Variants in DNAAF9 observed in about 807,000 individuals in gnomAD.
DNAAF9 encodes the protein shulin.
Under a neutral mutation model 167.0 loss-of-function variants are expected in DNAAF9, and 90 were observed. The observed-to-expected ratio is 0.54, with a 90% confidence interval of 0.45 to 0.64. DNAAF9 has a LOEUF of 0.64. Among genes scored for constraint, DNAAF9 ranks in the 30% least tolerant of loss-of-function variants. The pLI is 0.00. For synonymous variants in DNAAF9, 491 were observed against 508.8 expected (o/e 0.96, Z 0.47); for missense variants, 1,315 against 1,442.2 (o/e 0.91, Z 1.43).
intron 29 of DNAAF9, among the ~76,000 whole-genome samples, chr20:3,272,216 TA>T (rs1484490787): frequency 5.3e-5 from 8 of 152,198 alleles, no homozygotes; most frequent in Non-Finnish European, 7.3e-5. Flanking sequence ...CTCTGTCTTA[TA>T]AATGTTTTCT....
intron 3 of DNAAF9, among the ~76,000 whole-genome samples, chr20:3,379,850 G>A (rs993088969): frequency 6.6e-6 from 1 of 152,062 alleles, no homozygotes; most frequent in African/African-American, 2.4e-5. Flanking sequence ...CTGAGGTCAG[G>A]AGTTCGAGAC....
chr20:3,351,851 T>TTTATTTA (rs1555795263), intron 7 of DNAAF9, among the ~76,000 whole-genome samples: 33 of 150,322 alleles, frequency 2.2e-4, no homozygotes, highest in African/African-American at 7.8e-4. Context: ...TATTTATTTA[T>TTTATTTA]TTATTTATTT....
chr20:3,314,748 T>G (rs943695764), intron 20 of DNAAF9, among the ~76,000 whole-genome samples: 8 of 152,188 alleles, frequency 5.3e-5, no homozygotes, highest in Non-Finnish European at 1.2e-4. Flanking sequence ...TCTGTTTAGG[T>G]CCACAAATTC....
intron 33 of DNAAF9, among the ~76,000 whole-genome samples, chr20:3,257,604 C>A (rs2068303530): frequency 6.6e-6 from 1 of 151,866 alleles, no homozygotes; most frequent in Non-Finnish European, 1.5e-5. Context: ...AGTGCAGTGG[C>A]ACAATCTCGG....
intron 30 of DNAAF9, among the ~76,000 whole-genome samples, chr20:3,269,934 G>A (rs1334879375): frequency 2.7e-5 from 4 of 150,540 alleles, no homozygotes; most frequent in Non-Finnish European, 5.9e-5. Context: ...CTCCAGCCTG[G>A]ACGACAGAGG....
At chr20:3,404,144 C>T (rs1285955824) in intron 1 of DNAAF9, among the ~76,000 whole-genome samples, 1 of 152,198 alleles carries the variant, frequency 6.6e-6, no homozygotes, top group Non-Finnish European at 1.5e-5. Context: ...ATTCTCCTGC[C>T]TCAGGCTCCC....
In DNAAF9 at chr20:3,371,366, T is replaced by C. The variant is rs1030516500; in HGVS notation, c.612+2682A>G. ...TTTTTTTTTTTTTTTTTTTTGAGAC[T>C]GGAGTCTCGCTCTGTGGCCCAGGCT... On this transcript the variant is annotated intron_variant, in intron 6 of 36. Transcript: ENST00000252032. Among the ~76,000 whole-genome samples the C allele has an allele frequency of 5.0e-5, 6 of 118,814 alleles. No individual in the cohort carries two copies. In the Admixed American group the frequency reaches 6.3e-4, roughly 12 times the overall value. 77.9% of individuals were successfully genotyped at this position (118,814 alleles called of 152,430 possible).
At chr20:3,323,411 A>C (rs2069654818) in intron 14 of DNAAF9, among the ~76,000 whole-genome samples, 1 of 149,918 alleles carries the variant, frequency 6.7e-6, no homozygotes, top group African/African-American at 2.5e-5. Flanking sequence ...CCTCCCCAAT[A>C]GCTGGGACTA....
At chr20:3,280,469 G>A (rs1206616941) in intron 28 of DNAAF9, among the ~76,000 whole-genome samples, 1 of 151,704 alleles carries the variant, frequency 6.6e-6, no homozygotes, top group African/African-American at 2.4e-5. Context: ...GGAGGCTGAG[G>A]CAAGAAAATC....
At chr20:3,361,960 G>A in intron 6 of DNAAF9, 2 of 1,537,516 alleles carry the variant, frequency 1.3e-6, no homozygotes, top group Non-Finnish European at 1.8e-6. Flanking sequence ...CGAAACTCTT[G>A]CAGGACAACT....
At chr20:3,277,205 T>C (rs1488265771) in intron 29 of DNAAF9, among the ~76,000 whole-genome samples, 1 of 152,290 alleles carries the variant, frequency 6.6e-6, no homozygotes, top group African/African-American at 2.4e-5. Flanking sequence ...ACTCAGATCC[T>C]CCTACTCAGG....
Position 3,340,440 on chromosome 20 carries a change from A to AC in DNAAF9, c.981+63dup. ...AGGTTCTTTTTGTCTAGCTCCCCCC[A>AC]CCCACCCCACCCCCACAACTTGATA... is the stretch of plus-strand genomic sequence containing the variant. On this transcript the variant is annotated intron_variant, in intron 10 of 36. Coordinates refer to ENST00000252032, the MANE Select transcript of DNAAF9 (RefSeq NM_001009984.3). 7.2e-5 allele frequency: 9 copies of AC among 124,212 alleles called. 2 individuals are homozygous for AC. Among genetic ancestry groups the AC allele is most frequent in the Admixed American group, 2.1e-4 (2 of 9,680 alleles). 7.7% of individuals were successfully genotyped at this position (124,212 alleles called of 1,614,324 possible).
At chr20:3,283,006 T>A (rs911860754) in intron 27 of DNAAF9, among the ~76,000 whole-genome samples, 9 of 152,202 alleles carry the variant, frequency 5.9e-5, no homozygotes, top group African/African-American at 2.2e-4. Flanking sequence ...ATAATAAGAA[T>A]GTCAGGTGGT....
intron 6 of DNAAF9, among the ~76,000 whole-genome samples, chr20:3,373,618 T>C (rs1201719797): frequency 6.6e-6 from 1 of 152,228 alleles, no homozygotes; most frequent in Non-Finnish European, 1.5e-5. Flanking sequence ...TCAAATTATA[T>C]AAATTTCTGA....
intron 20 of DNAAF9, among the ~76,000 whole-genome samples, chr20:3,309,333 G>C (rs2069361525): frequency 6.6e-6 from 1 of 152,044 alleles, no homozygotes. Flanking sequence ...TTTTAGTATA[G>C]TGTTATAATT....
intron 7 of DNAAF9, among the ~76,000 whole-genome samples, chr20:3,350,148 GACACACAGACACACAC>G (rs1367389952): frequency 1.5e-5 from 1 of 68,936 alleles, no homozygotes; most frequent in Admixed American, 1.5e-4. Context: ...CAGACACACA[GACACACAGACACACAC>G]ACACACACAC....
At chr20:3,331,017 C>T (rs2069818462) in intron 11 of DNAAF9, among the ~76,000 whole-genome samples, 1 of 152,120 alleles carries the variant, frequency 6.6e-6, no homozygotes, top group African/African-American at 2.4e-5. Flanking sequence ...GTCTCAAACT[C>T]CTGACCTCAA....
Position 3,310,932 on chromosome 20 carries a change from T to A in DNAAF9, c.1678+4101A>T, listed in dbSNP as rs1420633459. The stretch of plus-strand genomic sequence containing the variant: ...CAGAATATGGAAAAACTCAAATACC[T>A]GTATGCTGCTGCTGGAAGTATAATT... On this transcript the variant is annotated intron_variant, in intron 20 of 36. Transcript: ENST00000252032. Among the ~76,000 whole-genome samples, 6 of 152,236 alleles carry A rather than the reference T, an allele frequency of 3.9e-5. No homozygotes were observed. In the East Asian group the frequency reaches 9.6e-4, roughly 24 times the overall value.
chr20:3,364,313 T>C (rs1030341336), intron 6 of DNAAF9, among the ~76,000 whole-genome samples: 1 of 152,230 alleles, frequency 6.6e-6, no homozygotes, highest in African/African-American at 2.4e-5. Flanking sequence ...ACCATGAATT[T>C]TACCTTGCTG....
Sources: gnomAD v4.1 joint callset for allele counts (sites outside exome capture counted in the v4.1 genomes callset) on GRCh38, gnomAD v4.1.1 for gene constraint, MANE v1.5 for transcripts, NCBI Gene and HGNC (gene_info 2026-07-23, HGNC 2026-07-21) for gene names.